EFCC1: variants seen among roughly 807,000 people sequenced by gnomAD.
EFCC1 encodes EF-hand and coiled-coil domain-containing protein 1.
EFCC1 carries 50 observed loss-of-function variants against 52.1 expected under a neutral mutation model. The observed-to-expected ratio is 0.96, with a 90% CI of 0.76 to 1.21. The LOEUF is 1.21. Among genes scored for constraint, EFCC1 ranks in the 50% most tolerant of loss-of-function variants. EFCC1 has a pLI of 0.00. For missense variants in EFCC1, 837 were observed against 867.3 expected (o/e 0.97, Z 0.44); for synonymous variants, 399 against 396.5 (o/e 1.01, Z -0.08).
chr3:129,039,525 T>C (rs973917981), intron 7 of EFCC1, among the ~76,000 whole-genome samples, 187 bp from the exon 8 acceptor site: 1 of 152,100 alleles, frequency 6.6e-6, no homozygotes, highest in Non-Finnish European at 1.5e-5. Flanking sequence ...AGATCAGAAA[T>C]TGTGTGCTCC....
chr3:129,007,436 G>A (rs1307370914), intron 2 of EFCC1, among the ~76,000 whole-genome samples: 1 of 152,178 alleles, frequency 6.6e-6, no homozygotes, highest in Non-Finnish European at 1.5e-5. Context: ...GTGCTCTGCA[G>A]ATGTGTCTTT....
At chr3:129,032,765 G>A in intron 3 of EFCC1, 54 bp from the exon 4 acceptor site, 2 of 1,532,642 alleles carry the variant, frequency 1.3e-6, no homozygotes, top group Non-Finnish European at 8.8e-7. Context: ...CCTGGGGAGG[G>A]ATGCCTGGTT....
intron 2 of EFCC1, among the ~76,000 whole-genome samples, chr3:129,026,505 A>C (rs1432140220): frequency 6.6e-6 from 1 of 152,176 alleles, no homozygotes; most frequent in Non-Finnish European, 1.5e-5. Flanking sequence ...CTTCCACAGC[A>C]CATCCATCAT....
intron 2 of EFCC1, among the ~76,000 whole-genome samples, chr3:129,022,429 A>G (rs936174464): frequency 6.6e-6 from 1 of 152,188 alleles, no homozygotes. Context: ...TTACATGAAG[A>G]TCTGGAGCCA....
At chr3:129,039,082 A>C (rs886677023) in intron 7 of EFCC1, among the ~76,000 whole-genome samples, 182 bp downstream of exon 7, 6 of 152,244 alleles carry the variant, frequency 3.9e-5, no homozygotes, top group Admixed American at 1.3e-4. Context: ...AGCCCCAGGC[A>C]GAAGTGCCAG....
chr3:129,002,504 C>T, intron 1 of EFCC1, 180 bp downstream of exon 1: 1 of 1,233,792 alleles, frequency 8.1e-7, no homozygotes, highest in South Asian at 1.8e-5. Flanking sequence ...CCATTCCACT[C>T]CAGTCCCCAA....
intron 2 of EFCC1, among the ~76,000 whole-genome samples, chr3:129,004,539 C>T (rs976662041): frequency 6.6e-6 from 1 of 150,500 alleles, no homozygotes; most frequent in African/African-American, 2.5e-5. Flanking sequence ...TCCCCCCACC[C>T]ACCCAGCCAG....
intron 4 of EFCC1, 54 bp downstream of exon 4, chr3:129,033,020 T>G: frequency 6.9e-7 from 1 of 1,442,912 alleles, no homozygotes; most frequent in Non-Finnish European, 9.2e-7. Flanking sequence ...CAGAGGTGTC[T>G]GGGGAAGCCA....
chr3:129,037,458 A>C (rs1213088691), intron 6 of EFCC1, among the ~76,000 whole-genome samples: 1 of 152,224 alleles, frequency 6.6e-6, no homozygotes. Context: ...AATACTAGCA[A>C]ACCAAATCTG....
rs1374490839 is a variant in EFCC1 at position 129,030,809 on chromosome 3, G to C, written c.1087G>C (p.Glu363Gln). Residue 363 changes from glutamate to glutamine, a missense_variant, in exon 3 of 8, where the codon GAG becomes CAG. By Grantham distance (29) the Glu-to-Gln change is conservative. Transcript: ENST00000683648. ...GACCAGAGACCCAGACCCCACTCCA[G>C]AGGGAGCCTGGCAGTCAGACAGCAG... is the stretch of plus-strand genomic sequence containing the variant. ...AGTRDPDPTP[E>Q]GAWQSDSSSG... 3.2e-6 allele frequency: 5 copies of C among 1,551,482 alleles called. No homozygotes were observed. The Admixed American group carries it at 7.8e-5, about 24-fold the overall frequency.
Position 129,004,033 on chromosome 3 carries a change from G to T in EFCC1, c.936G>T (p.Leu312Phe). 6.6e-7 allele frequency: 1 copy of T among 1,511,232 alleles called. No homozygotes were observed. The highest frequency in any genetic ancestry group is 8.8e-7 in the Non-Finnish European group (1 of 1,136,788). The allele number at this position is 1,511,232 out of a possible 1,614,324, so 93.6% of individuals were successfully genotyped here. The part of the protein sequence containing the change: ...LEALAQQVPG[L>F]QRWVRRLEAE... ...CGCTGGCGCAACAGGTGCCCGGCTT[G>T]CAGCGCTGGGTGCGGCGGCTGGAGG... The change falls in exon 2 of 8, where the codon TTG becomes TTT. Residue 312 changes from leucine (L) to phenylalanine (F), a missense_variant. Physicochemically the swap from Leu to Phe is conservative, Grantham distance 22. Transcript: ENST00000683648.
chr3:129,036,460 C>T (rs959679888), intron 5 of EFCC1, among the ~76,000 whole-genome samples: 4 of 152,234 alleles, frequency 2.6e-5, no homozygotes, highest in African/African-American at 7.2e-5. Flanking sequence ...GTACAACTGA[C>T]GGTTTAGGTG....
chr3:129,002,331 G>C lies in EFCC1; in HGVS notation c.696+7G>C, dbSNP rs1456135117. 2.0e-6 allele frequency: 3 copies of C among 1,512,118 alleles called. No individual in the cohort carries two copies. The highest frequency in any genetic ancestry group is 1.2e-5 in the South Asian group (1 of 81,922). 93.7% of individuals were successfully genotyped at this position (1,512,118 alleles called of 1,614,324 possible). A position where few individuals can be genotyped will look rare whatever the true frequency, so the allele number is the denominator to read the frequency against. Reference sequence around the variant, plus strand: ...GCGCTGCCTAGCACTGCAGGTGCGCGCCGGCCACGAAGGGAGGGTGGTAAC... The same window carrying C: ...GCGCTGCCTAGCACTGCAGGTGCGCCCCGGCCACGAAGGGAGGGTGGTAAC... On this transcript the variant is annotated splice_region_variant and intron_variant, in intron 1 of 7. Coordinates refer to ENST00000683648, the MANE Select transcript of EFCC1 (RefSeq NM_001377500.1).
rs1199153360 is a variant in EFCC1 at position 129,040,480 on chromosome 3, TA to T, written c.*634del. 6.6e-6 allele frequency: 1 copy of T among 152,248 alleles called. No homozygotes were observed. The highest frequency in any genetic ancestry group is 1.5e-5 in the Non-Finnish European group (1 of 68,138). The allele number at this position is 152,248 out of a possible 1,614,324, so 9.4% of individuals were successfully genotyped here. Reference sequence around the variant, plus strand: ...GGAGGGAAGGGCATAGAATCTAAGGTAATGGCAAGAGCAAAGGTGTGGAACC... The same window carrying T: ...GGAGGGAAGGGCATAGAATCTAAGGTATGGCAAGAGCAAAGGTGTGGAACC... On this transcript the variant is annotated 3_prime_UTR_variant, in exon 8 of 8. Transcript: ENST00000683648. The surrounding 1 kb of genome is among the most constrained non-coding windows in gnomAD (Gnocchi z 4.4).
chr3:129,029,364 G>T (rs577494732), intron 2 of EFCC1, among the ~76,000 whole-genome samples: 2 of 152,254 alleles, frequency 1.3e-5, no homozygotes, highest in African/African-American at 2.4e-5. Flanking sequence ...GTGATTGGTG[G>T]GGTGTAATGT....
intron 4 of EFCC1, among the ~76,000 whole-genome samples, chr3:129,033,708 G>A (rs560879851): frequency 2.6e-5 from 4 of 152,316 alleles, no homozygotes; most frequent in Admixed American, 1.3e-4. Flanking sequence ...ACCAGACAGT[G>A]GCCTCTTCTT....
chr3:129,008,786 C>G (rs1032167381), intron 2 of EFCC1, among the ~76,000 whole-genome samples: 18 of 152,204 alleles, frequency 1.2e-4, no homozygotes, highest in African/African-American at 3.9e-4. Context: ...GACTCAGGTA[C>G]TCCCTGGCCC....
Position 129,039,876 on chromosome 3 carries a change from TG to T in EFCC1, c.*29del. The T allele has an allele frequency of 6.3e-7, 1 of 1,575,648 alleles. No individual in the cohort carries two copies. On this transcript the variant is annotated 3_prime_UTR_variant, in exon 8 of 8. Coordinates refer to ENST00000683648, the MANE Select transcript of EFCC1 (RefSeq NM_001377500.1). ...TTACTGGCCCACCCTGTGGGCACCC[TG>T]CTCAGCCTGACTGCCTTTGGACCAG...
intron 5 of EFCC1, among the ~76,000 whole-genome samples, chr3:129,035,524 A>G (rs1309509240): frequency 6.6e-6 from 1 of 152,252 alleles, no homozygotes; most frequent in Non-Finnish European, 1.5e-5. Flanking sequence ...AGAAGGTAGC[A>G]GGCCCTGGAG....
Sources: allele counts gnomAD v4.1 joint callset (sites outside exome capture counted in the v4.1 genomes callset), GRCh38; gene constraint gnomAD v4.1.1; non-coding constraint Gnocchi (gnomAD v3.1); transcripts MANE v1.5; gene names NCBI Gene and HGNC (gene_info 2026-07-23, HGNC 2026-07-21).